RIGI: variants seen among roughly 807,000 people sequenced by gnomAD.
RIGI encodes the protein RNA sensor RIG-I.
At chr9:32,464,535 G>A in the RIGI span, among the ~76,000 whole-genome samples, 650 of 152,172 alleles carry the variant, frequency 4.3e-3, 5 homozygotes, top group African/African-American at 0.015. Flanking sequence ...GACTACAGGT[G>A]CCCGTCACCG....
At chr9:32,516,272 G>A in the RIGI span, among the ~76,000 whole-genome samples, 2 of 152,040 alleles carry the variant, frequency 1.3e-5, no homozygotes, top group South Asian at 4.2e-4. Flanking sequence ...TAGTGGGTCA[G>A]GGAGATGGAG....
chr9:32,519,031 A>T, the RIGI span, among the ~76,000 whole-genome samples: 3 of 152,196 alleles, frequency 2.0e-5, no homozygotes, highest in Admixed American at 2.0e-4. Context: ...TCTTAATTGC[A>T]CAAAATATAT....
the RIGI span, among the ~76,000 whole-genome samples, chr9:32,479,024 G>A: frequency 2.0e-5 from 3 of 152,154 alleles, no homozygotes; most frequent in Admixed American, 6.5e-5. Flanking sequence ...ACTGGCAAAC[G>A]AGTGAAGTTC....
At chr9:32,511,974 A>C in the RIGI span, among the ~76,000 whole-genome samples, 5 of 152,200 alleles carry the variant, frequency 3.3e-5, no homozygotes, top group African/African-American at 1.2e-4. Flanking sequence ...TACACTAGAA[A>C]ATCTAGAAGA....
the RIGI span, among the ~76,000 whole-genome samples, chr9:32,521,942 G>T: frequency 6.6e-6 from 1 of 152,178 alleles, no homozygotes; most frequent in South Asian, 2.1e-4. Flanking sequence ...TTCAAAAAGT[G>T]ACTTATAATC....
chr9:32,496,701 A>G, the RIGI span, among the ~76,000 whole-genome samples: 21 of 152,208 alleles, frequency 1.4e-4, no homozygotes, highest in Non-Finnish European at 2.9e-4. Flanking sequence ...ATCCCATCAT[A>G]TGTACACACA....
At chr9:32,491,160 T>G in the RIGI span, 1 of 895,818 alleles carries the variant, frequency 1.1e-6, no homozygotes, top group South Asian at 1.7e-5. Context: ...AAGTATCTAT[T>G]GTAACATAAA....
the RIGI span, chr9:32,481,599 TC>T: frequency 1.1e-6 from 1 of 888,056 alleles, no homozygotes. Flanking sequence ...TTTTTTTTTT[TC>T]CTCGAGGCAG....
chr9:32,515,998 A>C, the RIGI span, among the ~76,000 whole-genome samples: 54 of 152,322 alleles, frequency 3.5e-4, 1 homozygote, highest in African/African-American at 1.3e-3. Flanking sequence ...CAATCTTGAA[A>C]CTGACCACAG....
the RIGI span, among the ~76,000 whole-genome samples, chr9:32,522,492 G>A: frequency 6.6e-6 from 1 of 152,182 alleles, no homozygotes; most frequent in Non-Finnish European, 1.5e-5. Context: ...GGCCTTGTGA[G>A]AGGTTCCAGC....
the RIGI span, among the ~76,000 whole-genome samples, chr9:32,459,091 G>A: frequency 1.3e-5 from 2 of 149,870 alleles, no homozygotes; most frequent in Non-Finnish European, 1.5e-5. Flanking sequence ...GTTTCACCAT[G>A]TTGGCCGGGC....
the RIGI span, chr9:32,500,840 C>A: frequency 4.3e-6 from 7 of 1,614,036 alleles, no homozygotes; most frequent in Non-Finnish European, 5.9e-6. Context: ...GCCACGGAAC[C>A]AGCCTTCCTC....
chr9:32,463,723 C>T, the RIGI span, among the ~76,000 whole-genome samples: 3 of 151,810 alleles, frequency 2.0e-5, no homozygotes, highest in African/African-American at 7.3e-5. Flanking sequence ...GCTAAAGAAG[C>T]AGCCTAGCTC....
At chr9:32,488,439 G>A in the RIGI span, among the ~76,000 whole-genome samples, 7 of 152,116 alleles carry the variant, frequency 4.6e-5, no homozygotes, top group East Asian at 1.9e-4. Flanking sequence ...AAAAGAGTAC[G>A]TAAAAGAATA....
the RIGI span, chr9:32,485,695 C>A: frequency 2.8e-6 from 1 of 360,206 alleles, no homozygotes; most frequent in East Asian, 7.6e-5. Flanking sequence ...CGCACACCAC[C>A]ATGCCCAGCT....
At chr9:32,462,234 T>G in the RIGI span, among the ~76,000 whole-genome samples, 1 of 152,132 alleles carries the variant, frequency 6.6e-6, no homozygotes, top group Non-Finnish European at 1.5e-5. Context: ...CAGGGACTGT[T>G]GGAGAGTCAG....
the RIGI span, chr9:32,485,625 C>T: frequency 2.5e-6 from 1 of 405,826 alleles, no homozygotes. Context: ...ACTGCAACCT[C>T]CGTCTCCCAG....
chr9:32,521,152 A>AAAAAAAAAAAAAAAAAAAAAAAAAAAT, the RIGI span, among the ~76,000 whole-genome samples: 1 of 150,416 alleles, frequency 6.6e-6, no homozygotes, highest in East Asian at 1.9e-4. Flanking sequence ...AAAAAAAAAA[A>AAAAAAAAAAAAAAAAAAAAAAAAAAAT]AAAAAAAAAA....
At chr9:32,487,761 A>G in the RIGI span, 1 of 1,238,730 alleles carries the variant, frequency 8.1e-7, no homozygotes, top group Non-Finnish European at 1.1e-6. Context: ...TGTATGGCAC[A>G]TGGAGGCACA....
Sources: allele counts gnomAD v4.1 joint callset (sites outside exome capture counted in the v4.1 genomes callset), GRCh38; gene constraint gnomAD v4.1.1; transcripts MANE v1.5; gene names NCBI Gene and HGNC (gene_info 2026-07-23, HGNC 2026-07-21).